Variants in KCNH6 observed in about 807,000 individuals in gnomAD.
KCNH6 encodes potassium voltage-gated channel subfamily H member 6, also known as voltage-gated inwardly rectifying potassium channel KCNH6.
KCNH6 carries 81 observed loss-of-function variants against 83.4 expected under a neutral mutation model. The observed-to-expected ratio is 0.97, with a 90% CI of 0.81 to 1.17. The LOEUF (loss-of-function observed/expected upper bound fraction) is 1.17, where lower values mean the gene tolerates loss of function less well. KCNH6 is among the 50% of genes most tolerant of loss of function. The pLI, the probability that KCNH6 is intolerant of heterozygous loss-of-function variation, is 0.00. For synonymous variants in KCNH6, 503 were observed against 545.6 expected (o/e 0.92, Z 1.09); for missense variants, 1,203 against 1,290.5 (o/e 0.93, Z 1.04).
chr17:63,542,004 T>G (rs929500865), intron 8 of KCNH6, among the ~76,000 whole-genome samples: 6 of 151,928 alleles, frequency 3.9e-5, no homozygotes, highest in Admixed American at 1.3e-4. Context: ...CTGGAGACAG[T>G]GAGAGGAGCC....
chr17:63,536,308 GC>G (rs765334336), intron 6 of KCNH6: 4 of 542,682 alleles, frequency 7.4e-6, no homozygotes, highest in Non-Finnish European at 1.3e-5. Flanking sequence ...AATTTGCAGA[GC>G]CCAGAGCAAA....
Position 63,538,349 on chromosome 17 carries a change from C to T in KCNH6, c.1702-61C>T, listed in dbSNP as rs1332537839. 1.6e-5 allele frequency: 25 copies of T among 1,599,510 alleles called. No homozygotes were observed. The highest frequency in any genetic ancestry group is 1.5e-5 in the Non-Finnish European group (18 of 1,172,760). ...GGCGGGGCGTCCCCAGAGCCCTCAC[C>T]ACCCTCTCCCCCAGCCCCACCCCGG... On this transcript the variant is annotated intron_variant, in intron 7 of 12. Coordinates refer to ENST00000314672, the MANE Select transcript of KCNH6 (RefSeq NM_001278919.2). The surrounding 1 kb of genome is among the most constrained non-coding windows in gnomAD (Gnocchi z 4.0).
intron 4 of KCNH6, among the ~76,000 whole-genome samples, chr17:63,532,513 A>G (rs2032188324): frequency 6.6e-6 from 1 of 152,136 alleles, no homozygotes; most frequent in Non-Finnish European, 1.5e-5. Context: ...ATAAAAAAAG[A>G]GCCCAAGTCT....
In KCNH6 at chr17:63,544,471, G is replaced by C. The variant is rs532882312; in HGVS notation, c.2396+60G>C. On this transcript the variant is annotated intron_variant, in intron 11 of 12. Coordinates refer to ENST00000314672, the MANE Select transcript of KCNH6 (RefSeq NM_001278919.2). ...ATGGGTAGCCCCTCCTAGTGGCTCA[G>C]ACACATCACAGGGTGCCAGGTGGGT... 7.8e-6 allele frequency: 11 copies of C among 1,403,224 alleles called. No homozygotes were observed. The Admixed American group carries it at 1.8e-4, about 23-fold the overall frequency. 86.9% of individuals were successfully genotyped at this position (1,403,224 alleles called of 1,614,324 possible).
chr17:63,531,942 C>T (rs561505036), intron 4 of KCNH6, among the ~76,000 whole-genome samples: 79 of 152,286 alleles, frequency 5.2e-4, no homozygotes, highest in African/African-American at 1.8e-3. Flanking sequence ...AAAGAGCAGG[C>T]GAGGACCCAG....
At chr17:63,526,420 C>T (rs1269059342) in intron 2 of KCNH6, among the ~76,000 whole-genome samples, 1 of 138,494 alleles carries the variant, frequency 7.2e-6, no homozygotes, top group Non-Finnish European at 1.5e-5. Context: ...GAGACAGGGT[C>T]TTGCTCTGTC....
At chr17:63,531,935 G>A (rs116257649) in intron 4 of KCNH6, among the ~76,000 whole-genome samples, 8 of 152,222 alleles carry the variant, frequency 5.3e-5, no homozygotes, top group African/African-American at 1.9e-4. Flanking sequence ...TCAGGGGAAA[G>A]AGCAGGCGAG....
intron 6 of KCNH6, among the ~76,000 whole-genome samples, chr17:63,537,756 T>C (rs188829660): frequency 1.4e-5 from 2 of 145,232 alleles, no homozygotes; most frequent in African/African-American, 4.9e-5. Flanking sequence ...ATCTTTATTG[T>C]ATTTTTACAA....
intron 9 of KCNH6, among the ~76,000 whole-genome samples, chr17:63,542,949 T>C (rs775816313): frequency 6.6e-6 from 1 of 151,730 alleles, no homozygotes; most frequent in Non-Finnish European, 1.5e-5. Flanking sequence ...TCAAGAAAAA[T>C]AAAGAGCCAC....
chr17:63,537,973 G>C, intron 6 of KCNH6, 92 bp from the exon 7 acceptor site: 2 of 1,265,892 alleles, frequency 1.6e-6, no homozygotes, highest in Non-Finnish European at 2.2e-6. Flanking sequence ...TCCTTCACCA[G>C]GGGGCTGCTG....
intron 4 of KCNH6, among the ~76,000 whole-genome samples, chr17:63,530,940 T>G (rs1568070234): frequency 6.6e-6 from 1 of 150,588 alleles, no homozygotes; most frequent in African/African-American, 2.4e-5. Context: ...AGAGCTGGTG[T>G]GGGGGGGGGT....
In KCNH6 at chr17:63,524,131, C is replaced by A; in HGVS notation, c.77-8C>A. 1 of 1,605,280 alleles carries A rather than the reference C, an allele frequency of 6.2e-7. No individual in the cohort carries two copies. The highest frequency in any genetic ancestry group is 1.1e-5 in the South Asian group (1 of 90,930). Reference sequence around the variant, plus strand: ...CATGGACTTTTTGCCTCCCACCTCCCACCCCAGGTCGGAAGTTCCTGATTG... The same window carrying A: ...CATGGACTTTTTGCCTCCCACCTCCAACCCCAGGTCGGAAGTTCCTGATTG... On this transcript the variant is annotated splice_region_variant and splice_polypyrimidine_tract_variant and intron_variant, in intron 1 of 12. Transcript: ENST00000314672.
At chr17:63,529,395 C>T (rs1188368149) in intron 2 of KCNH6, among the ~76,000 whole-genome samples, 1 of 152,222 alleles carries the variant, frequency 6.6e-6, no homozygotes, top group Admixed American at 6.5e-5. Flanking sequence ...CCTCCTAGGC[C>T]CAGAGCAGCA....
intron 4 of KCNH6, among the ~76,000 whole-genome samples, chr17:63,532,195 A>T (rs535989752): frequency 7.8e-4 from 118 of 152,210 alleles, no homozygotes; most frequent in Non-Finnish European, 1.4e-3. Flanking sequence ...ACCCCCCACC[A>T]TTCCTTCTGT....
chr17:63,530,831 G>A (rs866821225), intron 4 of KCNH6, among the ~76,000 whole-genome samples: 5 of 152,228 alleles, frequency 3.3e-5, no homozygotes, highest in African/African-American at 1.2e-4. Context: ...GCCAGGGCAG[G>A]GGATGGACAT....
At chr17:63,536,626 A>G (rs1054699021) in intron 6 of KCNH6, among the ~76,000 whole-genome samples, 2 of 151,702 alleles carry the variant, frequency 1.3e-5, no homozygotes, top group Non-Finnish European at 2.9e-5. Flanking sequence ...CTTAGGTGAC[A>G]GAGTGAGACT....
chr17:63,527,878 G>A (rs1482381811), intron 2 of KCNH6, among the ~76,000 whole-genome samples: 2 of 152,112 alleles, frequency 1.3e-5, no homozygotes, highest in Non-Finnish European at 2.9e-5. Context: ...ACAGGCATGG[G>A]GGCAGGGCAT....
At chr17:63,541,207 A>G (rs1598008113) in intron 8 of KCNH6, among the ~76,000 whole-genome samples, 1 of 151,074 alleles carries the variant, frequency 6.6e-6, no homozygotes, top group African/African-American at 2.4e-5. Context: ...CTTGCCACAT[A>G]CCACATACCT....
intron 4 of KCNH6, among the ~76,000 whole-genome samples, chr17:63,531,694 GC>G (rs2032125490): frequency 6.6e-6 from 1 of 152,204 alleles, no homozygotes; most frequent in African/African-American, 2.4e-5. Flanking sequence ...ACCCTGGGAA[GC>G]CCCCCAGCTG....
Sources: allele counts gnomAD v4.1 joint callset (sites outside exome capture counted in the v4.1 genomes callset), GRCh38; gene constraint gnomAD v4.1.1; non-coding constraint Gnocchi (gnomAD v3.1); transcripts MANE v1.5; gene names NCBI Gene and HGNC (gene_info 2026-07-23, HGNC 2026-07-21).